Variants in MRPS35 observed in about 807,000 individuals in gnomAD.
The protein encoded by MRPS35 is small ribosomal subunit protein mS35.
A neutral mutation model predicts 32.7 loss-of-function variants in MRPS35; 29 were observed. That is an observed-to-expected ratio of 0.89 (90% CI 0.66 to 1.21). MRPS35 has a LOEUF of 1.21. Among genes scored for constraint, MRPS35 ranks in the 50% most tolerant of loss-of-function variants. MRPS35 has a pLI of 0.00. For synonymous variants in MRPS35, 148 were observed against 139.3 expected (o/e 1.06, Z -0.44); for missense variants, 373 against 383.8 (o/e 0.97, Z 0.23).
At chr12:27,748,599 T>A (rs1375187614) in intron 7 of MRPS35, among the ~76,000 whole-genome samples, 2 of 152,178 alleles carry the variant, frequency 1.3e-5, no homozygotes, top group East Asian at 1.9e-4. Context: ...ATGGTATTTT[T>A]AATTGCCCCC....
chr12:27,718,699 A>G (rs1315111426), intron 3 of MRPS35, among the ~76,000 whole-genome samples: 4 of 152,212 alleles, frequency 2.6e-5, no homozygotes, highest in Admixed American at 6.5e-5. Context: ...AAGATTTGCT[A>G]CCTTCACTTA....
At chr12:27,714,122 A>C (rs1049325178) in intron 1 of MRPS35, among the ~76,000 whole-genome samples, 1 of 151,732 alleles carries the variant, frequency 6.6e-6, no homozygotes, top group Non-Finnish European at 1.5e-5. Context: ...GAAAAAATTC[A>C]CCGTCATACA....
chr12:27,727,186 C>T (rs1028453993), intron 5 of MRPS35, among the ~76,000 whole-genome samples: 19 of 152,060 alleles, frequency 1.2e-4, no homozygotes, highest in African/African-American at 2.2e-4. Context: ...TGGTCTCGAT[C>T]TCCTGACCTT....
intron 1 of MRPS35, among the ~76,000 whole-genome samples, chr12:27,711,227 C>T: frequency 6.6e-6 from 1 of 152,192 alleles, no homozygotes; most frequent in East Asian, 1.9e-4. Context: ...TCCTGTGTTG[C>T]CCCCGTCCAC....
chr12:27,722,463 T>C (rs1365649803), intron 4 of MRPS35, among the ~76,000 whole-genome samples: 1 of 152,202 alleles, frequency 6.6e-6, no homozygotes, highest in Non-Finnish European at 1.5e-5. Context: ...TTTAGGTAAT[T>C]TAATTTTAAA....
chr12:27,726,109 C>T (rs1165583884), intron 5 of MRPS35, among the ~76,000 whole-genome samples: 2 of 151,500 alleles, frequency 1.3e-5, no homozygotes, highest in Non-Finnish European at 2.9e-5. Context: ...CACTACAGGG[C>T]CGTTGTTTCT....
At chr12:27,741,133 A>C (rs1462212189) in intron 7 of MRPS35, among the ~76,000 whole-genome samples, 1 of 152,044 alleles carries the variant, frequency 6.6e-6, no homozygotes, top group African/African-American at 2.4e-5. Context: ...GCACCACTGC[A>C]CTCCAGTCTG....
chr12:27,716,620 C>T (rs2061852306), intron 3 of MRPS35, among the ~76,000 whole-genome samples, 162 bp downstream of exon 3: 1 of 152,162 alleles, frequency 6.6e-6, no homozygotes, highest in African/African-American at 2.4e-5. Flanking sequence ...TATTATACAA[C>T]ACCAGATAAT....
intron 5 of MRPS35, among the ~76,000 whole-genome samples, chr12:27,733,775 T>C (rs2061931662): frequency 6.6e-6 from 1 of 152,240 alleles, no homozygotes; most frequent in Non-Finnish European, 1.5e-5. Flanking sequence ...ATTGTCTAAT[T>C]GAGAGTTAAT....
intron 3 of MRPS35, 76 bp from the exon 4 acceptor site, chr12:27,719,732 A>T: frequency 1.1e-6 from 1 of 873,458 alleles, no homozygotes; most frequent in Non-Finnish European, 1.8e-6. Flanking sequence ...CCTGTGATTT[A>T]GTTTTATGAG....
intron 2 of MRPS35, among the ~76,000 whole-genome samples, chr12:27,715,746 C>T (rs762473812): frequency 6.6e-6 from 1 of 152,088 alleles, no homozygotes; most frequent in Non-Finnish European, 1.5e-5. Flanking sequence ...GTGGGCCATC[C>T]CCTCGTATTT....
At chr12:27,714,360 C>T (rs1056810421) in intron 1 of MRPS35, among the ~76,000 whole-genome samples, 4 of 151,966 alleles carry the variant, frequency 2.6e-5, no homozygotes, top group East Asian at 1.9e-4. Flanking sequence ...CTGAGGCAGG[C>T]GGATCACTTC....
chr12:27,746,977 T>C (rs1044130161), intron 7 of MRPS35, among the ~76,000 whole-genome samples: 2 of 152,176 alleles, frequency 1.3e-5, no homozygotes, highest in Non-Finnish European at 2.9e-5. Context: ...TTAGAGTAAT[T>C]GTTCAAAAAA....
chr12:27,753,337 G>A (rs528708434), intron 7 of MRPS35, among the ~76,000 whole-genome samples: 9 of 152,218 alleles, frequency 5.9e-5, no homozygotes, highest in Admixed American at 4.6e-4. Context: ...GGTGATCTGA[G>A]CAGGGTTTGC....
intron 7 of MRPS35, among the ~76,000 whole-genome samples, chr12:27,744,163 G>C (rs894051903): frequency 4.6e-5 from 7 of 152,194 alleles, no homozygotes; most frequent in Admixed American, 1.3e-4. Flanking sequence ...ACTGCAGTTA[G>C]TTGTCTTAGT....
At chr12:27,728,570 A>G (rs778757614) in intron 5 of MRPS35, among the ~76,000 whole-genome samples, 6 of 151,896 alleles carry the variant, frequency 4.0e-5, no homozygotes, top group African/African-American at 7.3e-5. Flanking sequence ...TAAAATATCT[A>G]CTCCACATTA....
intron 5 of MRPS35, among the ~76,000 whole-genome samples, chr12:27,728,108 G>A (rs1365885702): frequency 6.6e-6 from 1 of 152,044 alleles, no homozygotes; most frequent in East Asian, 1.9e-4. Context: ...AACTGGATAT[G>A]GTGTGAAGCT....
chr12:27,734,455 G>C (rs1256716201), intron 5 of MRPS35, among the ~76,000 whole-genome samples: 2 of 151,996 alleles, frequency 1.3e-5, no homozygotes. Context: ...TGGTCAGGCT[G>C]GTCTTGAACT....
intron 7 of MRPS35, among the ~76,000 whole-genome samples, chr12:27,753,925 C>G (rs2062016127): frequency 6.6e-6 from 1 of 152,118 alleles, no homozygotes; most frequent in Non-Finnish European, 1.5e-5. Flanking sequence ...AAACATTGTT[C>G]ACATTATGGG....
Sources: allele counts gnomAD v4.1 joint callset (sites outside exome capture counted in the v4.1 genomes callset), GRCh38; gene constraint gnomAD v4.1.1; transcripts MANE v1.5; gene names NCBI Gene and HGNC (gene_info 2026-07-23, HGNC 2026-07-21).